The following PIK3R3 variants were observed in gnomAD, a reference collection of about 807,000 sequenced individuals.
PIK3R3 encodes the protein phosphatidylinositol 3-kinase regulatory subunit gamma.
PIK3R3 carries 64 observed loss-of-function variants against 62.9 expected under a neutral mutation model. The ratio of observed to expected loss-of-function variants is 1.02; its 90% CI spans 0.83 to 1.25. The LOEUF (loss-of-function observed/expected upper bound fraction) is 1.25, where lower values mean the gene tolerates loss of function less well. Ranked by LOEUF, PIK3R3 falls within the 50% of genes most tolerant of loss-of-function variation. The probability of loss-of-function intolerance (pLI) is 0.00; values close to 1 mark genes in which losing one functional copy is unlikely to be tolerated. For missense variants in PIK3R3, 614 were observed against 561.6 expected, an observed-to-expected ratio of 1.09 and a Z score of -0.94; for synonymous variants, 165 against 189.0, an observed-to-expected ratio of 0.87 and a Z score of 1.04.
At chr1:46,078,035 TTCAATAGGATAGTC>T (rs1168558310) in intron 2 of PIK3R3, among the ~76,000 whole-genome samples, 1 of 152,190 alleles carries the variant, frequency 6.6e-6, no homozygotes, top group Non-Finnish European at 1.5e-5. Context: ...TTCATAACCT[TTCAATAGGATAGTC>T]TCCTAGTTTG....
chr1:46,160,743 C>T, the PIK3R3 span, among the ~76,000 whole-genome samples: 1 of 152,214 alleles, frequency 6.6e-6, no homozygotes, highest in Non-Finnish European at 1.5e-5. Context: ...CTCATTGCCC[C>T]ACTTGGGTGA....
At chr1:46,158,687 A>G in the PIK3R3 span, among the ~76,000 whole-genome samples, 1 of 152,238 alleles carries the variant, frequency 6.6e-6, no homozygotes, top group South Asian at 2.1e-4. Context: ...AAGATAAGCT[A>G]AAAAGATCAT....
At chr1:46,130,196 T>C (rs785503) in intron 1 of PIK3R3, among the ~76,000 whole-genome samples, 69,700 of 152,066 alleles carry the variant, frequency 0.46, 16,131 homozygotes, top group East Asian at 0.61. Flanking sequence ...AGGTACTATA[T>C]AATGCAGTAT....
At chr1:46,134,341 A>T (rs1230641950), upstream of PIK3R3, among the ~76,000 whole-genome samples, 1 of 152,222 alleles carries the variant, frequency 6.6e-6, no homozygotes, top group African/African-American at 2.4e-5. Flanking sequence ...GAGGGCAGAC[A>T]GTCAAAATGT....
In PIK3R3 at chr1:46,043,612, G is replaced by T; in HGVS notation, c.*61C>A. ...TCTATGTAGAAAGAATGCCCTCATCGTAGTCTAATAAAAACTGTAGAAAAA... is the reference window on the plus strand; with the variant it reads ...TCTATGTAGAAAGAATGCCCTCATCTTAGTCTAATAAAAACTGTAGAAAAA... On this transcript the variant is annotated 3_prime_UTR_variant, in exon 10 of 10. Transcript: ENST00000262741. 1 of 1,369,692 alleles carries T rather than the reference G, an allele frequency of 7.3e-7. No individual in the cohort carries two copies. Among genetic ancestry groups the T allele is most frequent in the Non-Finnish European group, 1.0e-6 (1 of 960,532 alleles). The allele number at this position is 1,369,692 out of a possible 1,614,324, so 84.8% of individuals were successfully genotyped here. A position where few individuals can be genotyped will look rare whatever the true frequency, so the allele number is the denominator to read the frequency against.
the PIK3R3 span, among the ~76,000 whole-genome samples, chr1:46,142,862 A>G: frequency 6.6e-6 from 1 of 152,204 alleles, no homozygotes; most frequent in Non-Finnish European, 1.5e-5. Context: ...GGGGGAGTTT[A>G]GGAGTTTTAA....
chr1:46,137,014 A>G (rs1281263523), upstream of PIK3R3, among the ~76,000 whole-genome samples: 1 of 152,178 alleles, frequency 6.6e-6, no homozygotes, highest in African/African-American at 2.4e-5. Context: ...TTTAATCTCC[A>G]TAACCCTGGG....
Position 46,066,149 on chromosome 1 carries a change from C to A in PIK3R3, c.526G>T (p.Ala176Ser). 1 of 1,583,716 alleles carries A rather than the reference C, an allele frequency of 6.3e-7. No individual in the cohort carries two copies. ...TATTCTTGCAGTTTTTTACCTACTG[C>A]ATCAATATTATCTTCTTTTACCAAC... ...DQLVKEDNIDAVGKKLQEYHS... is the reference protein window; with the variant it reads ...DQLVKEDNIDSVGKKLQEYHS... Residue 176 changes from alanine to serine, a missense_variant, in exon 5 of 10, where the codon GCA (alanine) becomes TCA (serine). Transcript: ENST00000262741.
chr1:46,073,548 C>T (rs762012631), intron 3 of PIK3R3, among the ~76,000 whole-genome samples: 1 of 152,210 alleles, frequency 6.6e-6, no homozygotes, highest in Non-Finnish European at 1.5e-5. Flanking sequence ...CAAGGTAGAT[C>T]AGACACTTCC....
Position 46,067,270 on chromosome 1 carries a change from A to ATATATATG in PIK3R3, c.315-180_315-179insCATATATA, listed in dbSNP as rs1418995223. Among the ~76,000 whole-genome samples, 7 of 147,412 alleles carry ATATATATG rather than the reference A, an allele frequency of 4.7e-5. No individual in the cohort carries two copies. The East Asian group carries it at 1.4e-3, about 29-fold the overall frequency. On this transcript the variant is annotated intron_variant, in intron 3 of 9. Coordinates refer to ENST00000262741, the MANE Select transcript of PIK3R3 (RefSeq NM_003629.4). The stretch of plus-strand genomic sequence containing the variant: ...TGTGTGAACATATATATATATATAT[A>ATATATATG]TATATATAATTCATTTTGCATTGTT...
At chr1:46,061,035 A>G (rs1204824015) in intron 6 of PIK3R3, among the ~76,000 whole-genome samples, 1 of 152,190 alleles carries the variant, frequency 6.6e-6, no homozygotes, top group Admixed American at 6.5e-5. Context: ...CATTCTTAGC[A>G]TCTACCATCA....
At chr1:46,070,611 T>C (rs1557577844) in intron 3 of PIK3R3, among the ~76,000 whole-genome samples, 1 of 152,220 alleles carries the variant, frequency 6.6e-6, no homozygotes, top group Non-Finnish European at 1.5e-5. Flanking sequence ...TCATAATTAA[T>C]GTGAAACCAG....
chr1:46,114,601 T>C (rs889560673), intron 1 of PIK3R3, among the ~76,000 whole-genome samples: 1 of 151,860 alleles, frequency 6.6e-6, no homozygotes, highest in Non-Finnish European at 1.5e-5. Flanking sequence ...CCTAGCAATT[T>C]GTGTGTTTTG....
intron 1 of PIK3R3, among the ~76,000 whole-genome samples, chr1:46,096,493 G>A (rs1652137323): frequency 6.6e-6 from 1 of 152,182 alleles, no homozygotes; most frequent in South Asian, 2.1e-4. Flanking sequence ...GGTGCCACAA[G>A]TCATTCCTCA....
chr1:46,087,486 C>A (rs1281024628), intron 1 of PIK3R3, among the ~76,000 whole-genome samples: 1 of 151,986 alleles, frequency 6.6e-6, no homozygotes, highest in Non-Finnish European at 1.5e-5. Context: ...CAAGCATATA[C>A]CCCCAGTCAG....
the PIK3R3 span, among the ~76,000 whole-genome samples, chr1:46,147,518 C>T: frequency 1.3e-5 from 2 of 152,162 alleles, no homozygotes; most frequent in Admixed American, 6.5e-5. Flanking sequence ...CCCGAGTGCA[C>T]GCCATTCTCC....
chr1:46,055,782 C>A lies in PIK3R3; in HGVS notation c.941+13G>T. 1 of 1,566,786 alleles carries A rather than the reference C, an allele frequency of 6.4e-7. No homozygotes were observed. Among genetic ancestry groups the A allele is most frequent in the Non-Finnish European group, 8.6e-7 (1 of 1,156,074 alleles). On this transcript the variant is annotated intron_variant, in intron 7 of 9. Transcript: ENST00000262741. ...CTAACGTCTCCCTCCCCATACACTC[C>A]CAGACTACTTACACAAGGTGTTGAT...
At position 46,066,107 on chromosome 1, in the gene PIK3R3, C is replaced by T; in HGVS notation, c.568G>A (p.Glu190Lys). The T allele has an allele frequency of 2.5e-6, 4 of 1,601,174 alleles. No homozygotes were observed. Among genetic ancestry groups the T allele is most frequent in the Middle Eastern group, 1.7e-4 (1 of 6,034 alleles). The change falls in exon 5 of 10, where the codon GAG becomes AAG. Residue 190 changes from glutamate to lysine, a missense_variant. By Grantham distance (56) the Glu-to-Lys change is moderately conservative. Transcript: ENST00000262741. ...KLQEYHSQYQ[E>K]KSKEYDRLYE... ...AGCCTATCATACTCTTTACTCTTCT[C>T]CTGATACTGAGAGTGGTATTCTTGC...
upstream of PIK3R3, among the ~76,000 whole-genome samples, chr1:46,133,608 C>T (rs1655808382): frequency 6.6e-6 from 1 of 152,186 alleles, no homozygotes; most frequent in Non-Finnish European, 1.5e-5. Context: ...AGAGGATGTG[C>T]CCGTGGCCCC....
Sources: allele counts gnomAD v4.1 joint callset (sites outside exome capture counted in the v4.1 genomes callset), GRCh38; gene constraint gnomAD v4.1.1; transcripts MANE v1.5; gene names NCBI Gene and HGNC (gene_info 2026-07-23, HGNC 2026-07-21).